Variants in SORCS3 observed in about 807,000 individuals in gnomAD.
The protein encoded by SORCS3 is VPS10 domain-containing receptor SorCS3.
A neutral mutation model predicts 146.3 loss-of-function variants in SORCS3; 57 were observed. The ratio of observed to expected loss-of-function variants is 0.39; its 90% CI spans 0.31 to 0.49. SORCS3 has a LOEUF of 0.49. Among genes scored for constraint, SORCS3 ranks in the 20% least tolerant of loss-of-function variants. The pLI is 0.92. For synonymous variants in SORCS3, 653 were observed against 618.5 expected, an observed-to-expected ratio of 1.06 and a Z score of -0.83; for missense variants, 1,341 against 1,575.5, an observed-to-expected ratio of 0.85 and a Z score of 2.52.
chr10:104,721,401 C>A (rs1230860232), intron 1 of SORCS3, among the ~76,000 whole-genome samples: 5 of 152,210 alleles, frequency 3.3e-5, no homozygotes, highest in African/African-American at 1.2e-4. Flanking sequence ...AGTTTGAAGT[C>A]AGGTAGCCTG....
At chr10:104,840,685 C>G (rs1448869971) in intron 1 of SORCS3, among the ~76,000 whole-genome samples, 2 of 152,150 alleles carry the variant, frequency 1.3e-5, no homozygotes, top group Non-Finnish European at 2.9e-5. Flanking sequence ...TTTTCCAGAT[C>G]TAGTGGTTAG....
chr10:104,846,653 CT>C (rs1564697064), intron 2 of SORCS3, among the ~76,000 whole-genome samples: 1 of 152,206 alleles, frequency 6.6e-6, no homozygotes, highest in East Asian at 1.9e-4. Flanking sequence ...ATCTTGTGCC[CT>C]TGTGACATTC....
At chr10:104,992,590 A>G (rs944717634) in intron 4 of SORCS3, among the ~76,000 whole-genome samples, 1 of 152,206 alleles carries the variant, frequency 6.6e-6, no homozygotes, top group African/African-American at 2.4e-5. Flanking sequence ...AGCTCAGCAC[A>G]TGAAGCCTTT....
chr10:105,018,815 CCT>C (rs34464920), intron 4 of SORCS3, among the ~76,000 whole-genome samples: 25,781 of 151,014 alleles, frequency 0.17, 2,339 homozygotes, highest in Middle Eastern at 0.21. Flanking sequence ...CTTTCTATTA[CCT>C]CTCTCTCTCT....
chr10:104,942,436 T>C (rs1005517190), intron 3 of SORCS3, among the ~76,000 whole-genome samples: 1 of 152,184 alleles, frequency 6.6e-6, no homozygotes, highest in African/African-American at 2.4e-5. Context: ...AAGAAGACTT[T>C]CCAGCTCATT....
At chr10:104,934,067 C>T (rs943430471) in intron 3 of SORCS3, among the ~76,000 whole-genome samples, 1 of 152,180 alleles carries the variant, frequency 6.6e-6, no homozygotes, top group East Asian at 1.9e-4. Flanking sequence ...GCTGGGATTA[C>T]AAGCATGAGC....
chr10:105,032,856 T>A (rs1169096904), intron 4 of SORCS3, among the ~76,000 whole-genome samples: 1 of 152,088 alleles, frequency 6.6e-6, no homozygotes, highest in African/African-American at 2.4e-5. Flanking sequence ...TAGGATGTGA[T>A]GTGAAACTAA....
chr10:104,966,959 T>G lies in SORCS3; in HGVS notation c.796-10376T>G, dbSNP rs576694422. Reference sequence around the variant, plus strand: ...TTTCCTTCAGAAAGCATTACAAGTTTTTTTTTTTTTTTCAAAAGATACTGC... The same window carrying G: ...TTTCCTTCAGAAAGCATTACAAGTTGTTTTTTTTTTTTCAAAAGATACTGC... On this transcript the variant is annotated intron_variant, in intron 3 of 26. Transcript: ENST00000369701. Among the ~76,000 whole-genome samples the G allele has an allele frequency of 7.2e-5, 11 of 152,100 alleles. No individual in the cohort carries two copies. In the South Asian group the frequency reaches 2.1e-3, roughly 29 times the overall value.
At chr10:105,038,628 A>T (rs1346980489) in intron 4 of SORCS3, among the ~76,000 whole-genome samples, 1 of 152,214 alleles carries the variant, frequency 6.6e-6, no homozygotes, top group Non-Finnish European at 1.5e-5. Flanking sequence ...AAAATGATGG[A>T]AACTTCAAAA....
rs140027406 is a variant in SORCS3, at chr10:104,952,581, T to C, written c.796-24754T>C. Among the ~76,000 whole-genome samples the C allele has an allele frequency of 2.0e-5, 3 of 152,322 alleles. 1 individual carries two copies. In the East Asian group the frequency reaches 5.8e-4, roughly 29 times the overall value. ...TGTCCAAGATTCTTGGGGTTTTTGT[T>C]CACCCATGTACAGGAACAAATGAAA... On this transcript the variant is annotated intron_variant, in intron 3 of 26. Coordinates refer to ENST00000369701, the MANE Select transcript of SORCS3 (RefSeq NM_014978.3).
intron 2 of SORCS3, among the ~76,000 whole-genome samples, chr10:104,889,443 T>C (rs568773291): frequency 2.1e-5 from 3 of 140,678 alleles, no homozygotes; most frequent in Admixed American, 6.9e-5. Context: ...TTTTCCCTCC[T>C]TTTGGATGGT....
intron 4 of SORCS3, among the ~76,000 whole-genome samples, chr10:105,036,658 A>C (rs994698788): frequency 1.3e-5 from 2 of 152,158 alleles, no homozygotes; most frequent in Non-Finnish European, 2.9e-5. Context: ...CTGAAGACGC[A>C]GGTTGGAAAG....
intron 25 of SORCS3, among the ~76,000 whole-genome samples, chr10:105,259,657 C>A (rs1260978852): frequency 6.6e-6 from 1 of 152,162 alleles, no homozygotes; most frequent in African/African-American, 2.4e-5. Context: ...ACAAGAATTT[C>A]TTTCCATAAC....
chr10:104,785,697 G>A (rs74155035), intron 1 of SORCS3, among the ~76,000 whole-genome samples: 2 of 152,168 alleles, frequency 1.3e-5, no homozygotes, highest in Non-Finnish European at 2.9e-5. Context: ...AGTGGTGCTT[G>A]TTAGTCACCA....
chr10:104,937,466 T>C (rs913819797), intron 3 of SORCS3, among the ~76,000 whole-genome samples: 4 of 152,076 alleles, frequency 2.6e-5, no homozygotes, highest in Non-Finnish European at 5.9e-5. Context: ...AAATCTAAGT[T>C]TTATTTTAAA....
At chr10:105,262,788 G>A (rs2056969790) in intron 26 of SORCS3, among the ~76,000 whole-genome samples, 1 of 152,168 alleles carries the variant, frequency 6.6e-6, no homozygotes. Flanking sequence ...AGTATTATAT[G>A]TCCTTACTAA....
In SORCS3 at chr10:105,178,063, CAG is replaced by C; in HGVS notation, c.1902-2_1902-1del. On this transcript the variant is annotated splice_acceptor_variant, in intron 13 of 26. Coordinates refer to ENST00000369701, the MANE Select transcript of SORCS3 (RefSeq NM_014978.3). LOFTEE classifies it high-confidence loss of function. Reference sequence around the variant, plus strand: ...CTTTTTTGTGTACTTGTTTCCAACACAGGGTGAGTTTTGATGAGGGCCACTCT... The same window carrying C: ...CTTTTTTGTGTACTTGTTTCCAACACGGTGAGTTTTGATGAGGGCCACTCT... The C allele has an allele frequency of 6.2e-7, 1 of 1,608,930 alleles. No homozygotes were observed. The highest frequency in any genetic ancestry group is 8.5e-7 in the Non-Finnish European group (1 of 1,176,032).
rs192294947 is a variant in SORCS3 at position 104,770,157 on chromosome 10, G to A, written c.628-72635G>A. Among the ~76,000 whole-genome samples the A allele has an allele frequency of 2.0e-4, 31 of 152,268 alleles. 1 individual carries two copies. The highest frequency in any genetic ancestry group is 5.8e-4 in the African/African-American group (24 of 41,552). On this transcript the variant is annotated intron_variant, in intron 1 of 26. Coordinates refer to ENST00000369701, the MANE Select transcript of SORCS3 (RefSeq NM_014978.3). The stretch of plus-strand genomic sequence containing the variant: ...CTTGGGATGGGACCTGGGAATTTAC[G>A]TGAGGAACAAATCTGGATCAATGTG...
At chr10:104,955,130 A>T (rs1277588696) in intron 3 of SORCS3, among the ~76,000 whole-genome samples, 1 of 152,162 alleles carries the variant, frequency 6.6e-6, no homozygotes, top group Non-Finnish European at 1.5e-5. Flanking sequence ...AGAGCATTTT[A>T]TCACCCCCAA....
Sources: allele counts gnomAD v4.1 joint callset (sites outside exome capture counted in the v4.1 genomes callset), GRCh38; gene constraint gnomAD v4.1.1; transcripts MANE v1.5; gene names NCBI Gene and HGNC (gene_info 2026-07-23, HGNC 2026-07-21).